The following FBXL17 variants were observed in gnomAD, a reference collection of about 807,000 sequenced individuals.
FBXL17 encodes F-box/LRR-repeat protein 17.
A neutral mutation model predicts 66.2 loss-of-function variants in FBXL17; 22 were observed. That is an observed-to-expected ratio of 0.33 (90% CI 0.24 to 0.47). The LOEUF is 0.47. Ranked by LOEUF, FBXL17 falls within the 20% of genes least tolerant of loss-of-function variation. The pLI is 1.00. For missense variants in FBXL17, 878 were observed against 948.2 expected (o/e 0.93, Z 0.97); for synonymous variants, 474 against 400.5 (o/e 1.18, Z -2.19).
chr5:107,892,254 C>T (rs530059373), intron 7 of FBXL17, among the ~76,000 whole-genome samples: 1 of 152,100 alleles, frequency 6.6e-6, no homozygotes, highest in South Asian at 2.1e-4. Flanking sequence ...TCTATGTGTA[C>T]ATATTAGTTA....
In FBXL17 at chr5:108,040,920, A is replaced by G. The variant is rs143397191; in HGVS notation, c.1746-19919T>C. 8.5e-5 allele frequency among the ~76,000 whole-genome samples: 13 copies of G among 152,306 alleles called. No individual in the cohort carries two copies. The East Asian group carries it at 2.5e-3, about 29-fold the overall frequency. On this transcript the variant is annotated intron_variant, in intron 6 of 8. Transcript: ENST00000542267. Reference sequence around the variant, plus strand: ...ACAGCTATAAAAATCATAATAATGTATCATAAATGGGAAGCATTATGGCAC... The same window carrying G: ...ACAGCTATAAAAATCATAATAATGTGTCATAAATGGGAAGCATTATGGCAC...
At chr5:108,376,196 T>A (rs770841864) in intron 1 of FBXL17, among the ~76,000 whole-genome samples, 3 of 152,090 alleles carry the variant, frequency 2.0e-5, no homozygotes, top group Non-Finnish European at 2.9e-5. Flanking sequence ...AGTCTAAAAG[T>A]TTTTCCCCAA....
chr5:108,143,725 G>GCA lies in FBXL17; in HGVS notation c.1745+42391_1745+42392insTG, dbSNP rs1751449296. On this transcript the variant is annotated intron_variant, in intron 6 of 8. Coordinates refer to ENST00000542267, the MANE Select transcript of FBXL17 (RefSeq NM_001163315.3). ...ACTTGTGAACTTGCTTGTTTTCATG[G>GCA]GAAAAAAAAAAAAAAAAAAAAAAAA... Among the ~76,000 whole-genome samples, 7 of 58,684 alleles carry GCA rather than the reference G, an allele frequency of 1.2e-4. No individual in the cohort carries two copies. In the Admixed American group the frequency reaches 1.5e-3, roughly 12 times the overall value. The allele number at this position is 58,684 out of a possible 152,430, so 38.5% of individuals were successfully genotyped here.
chr5:108,078,322 C>A (rs1307264831), intron 6 of FBXL17, among the ~76,000 whole-genome samples: 1 of 152,164 alleles, frequency 6.6e-6, no homozygotes, highest in African/African-American at 2.4e-5. Context: ...TCTCTAACAA[C>A]CTCTAACCCA....
In FBXL17 at chr5:108,343,640, C is replaced by T. The variant is rs146445026; in HGVS notation, c.1506+4759G>A. On this transcript the variant is annotated intron_variant, in intron 4 of 8. Transcript: ENST00000542267. ...AGGAAATGGAAGCTTTCACATAATG[C>T]TGAATTAACTACTGCTATTTAAACT... 1.7e-3 allele frequency among the ~76,000 whole-genome samples: 258 copies of T among 152,144 alleles called. 3 individuals carry two copies. The highest frequency in any genetic ancestry group is 0.014 in the Admixed American group (209 of 15,276).
chr5:108,143,522 A>G (rs1357061733), intron 6 of FBXL17, among the ~76,000 whole-genome samples: 1 of 152,062 alleles, frequency 6.6e-6, no homozygotes, highest in Non-Finnish European at 1.5e-5. Context: ...TTCTGATTCT[A>G]CCTTGCTCTC....
chr5:108,260,679 T>A (rs1022432104), intron 4 of FBXL17, among the ~76,000 whole-genome samples: 1 of 152,118 alleles, frequency 6.6e-6, no homozygotes, highest in Non-Finnish European at 1.5e-5. Context: ...GCTGCCACTG[T>A]CTTGGAGCTC....
chr5:108,236,524 C>CCAA (rs750033081), intron 4 of FBXL17, among the ~76,000 whole-genome samples: 2 of 149,914 alleles, frequency 1.3e-5, no homozygotes, highest in Non-Finnish European at 3.0e-5. Context: ...AAAAAAAAAA[C>CCAA]CAACAACAAC....
intron 8 of FBXL17, 197 bp downstream of exon 8, chr5:107,880,840 G>T (rs190668445): frequency 2.2e-6 from 3 of 1,366,646 alleles, no homozygotes; most frequent in South Asian, 4.3e-5. Context: ...TATTAAGTGG[G>T]GAAATACAAA....
At position 108,009,661 on chromosome 5, in the gene FBXL17, GGGAATGTTTTA is replaced by G. The variant is rs1443910422; in HGVS notation, c.1822+11253_1822+11263del. Among the ~76,000 whole-genome samples the G allele has an allele frequency of 2.0e-5, 3 of 152,134 alleles. No homozygotes were observed. In the East Asian group the frequency reaches 5.8e-4, roughly 29 times the overall value. ...GGTGACTGAGTCTTTACAAGCCCAA[GGGAATGTTTTA>G]GGATAAGGGTGAAAATTAACAGCTT... On this transcript the variant is annotated intron_variant, in intron 7 of 8. Coordinates refer to ENST00000542267, the MANE Select transcript of FBXL17 (RefSeq NM_001163315.3).
intron 4 of FBXL17, among the ~76,000 whole-genome samples, chr5:108,304,533 C>T (rs946465954): frequency 6.6e-6 from 1 of 151,862 alleles, no homozygotes; most frequent in Non-Finnish European, 1.5e-5. Context: ...ATAGATACAC[C>T]TATCTGCTTT....
rs147504038 is a variant in FBXL17, at chr5:108,167,886, A to C, written c.1745+18231T>G. ...GAAGACACAACTTAAAGGGGGAAAA[A>C]ATTATCCAAGAAACAAATGTTCTTT... On this transcript the variant is annotated intron_variant, in intron 6 of 8. Coordinates refer to ENST00000542267, the MANE Select transcript of FBXL17 (RefSeq NM_001163315.3). Among the ~76,000 whole-genome samples the C allele has an allele frequency of 8.0e-4, 122 of 152,322 alleles. No individual in the cohort carries two copies. In the East Asian group the frequency reaches 0.018, roughly 22 times the overall value.
rs1309222408 is a variant in FBXL17 at position 108,332,552 on chromosome 5, T to A, written c.1506+15847A>T. Among the ~76,000 whole-genome samples the A allele has an allele frequency of 2.6e-5, 4 of 152,026 alleles. No individual in the cohort carries two copies. The East Asian group carries it at 7.7e-4, about 29-fold the overall frequency. On this transcript the variant is annotated intron_variant, in intron 4 of 8. Coordinates refer to ENST00000542267, the MANE Select transcript of FBXL17 (RefSeq NM_001163315.3). ...CCTAAATCAGAGTAATACTATCATA[T>A]TGGTTTCAAGTTACTGTCCGTCAGA...
chr5:108,284,399 C>G (rs1353815440), intron 4 of FBXL17, among the ~76,000 whole-genome samples: 8 of 151,822 alleles, frequency 5.3e-5, no homozygotes, highest in Non-Finnish European at 2.9e-5. Flanking sequence ...TCTTTTGCAG[C>G]AACATGGATG....
rs184246428 is a variant in FBXL17, at chr5:107,907,479, C to A, written c.1823-26300G>T. Among the ~76,000 whole-genome samples, 65 of 152,048 alleles carry A rather than the reference C, an allele frequency of 4.3e-4. No individual in the cohort carries two copies. In the South Asian group the frequency reaches 5.4e-3, roughly 13 times the overall value. The stretch of plus-strand genomic sequence containing the variant: ...CAAAATGAAACAAAACGAGGCAAAG[C>A]AAACAAACAAAAAACATGGAGCCAA... On this transcript the variant is annotated intron_variant, in intron 7 of 8. Coordinates refer to ENST00000542267, the MANE Select transcript of FBXL17 (RefSeq NM_001163315.3).
At chr5:108,307,003 T>C (rs1364304542) in intron 4 of FBXL17, among the ~76,000 whole-genome samples, 1 of 152,114 alleles carries the variant, frequency 6.6e-6, no homozygotes, top group Non-Finnish European at 1.5e-5. Context: ...ATATACATTA[T>C]CTTTAGGTAT....
At chr5:108,339,573 T>A (rs1246271096) in intron 4 of FBXL17, among the ~76,000 whole-genome samples, 1 of 149,876 alleles carries the variant, frequency 6.7e-6, no homozygotes, top group Non-Finnish European at 1.5e-5. Context: ...AAAATTAGAT[T>A]TTTATTAAAA....
At chr5:108,167,740 TAAAAG>T (rs1752464121) in intron 6 of FBXL17, among the ~76,000 whole-genome samples, 1 of 151,656 alleles carries the variant, frequency 6.6e-6, no homozygotes, top group African/African-American at 2.4e-5. Context: ...CTGACAACAA[TAAAAG>T]AAAATATTCT....
intron 6 of FBXL17, among the ~76,000 whole-genome samples, chr5:108,184,364 T>C (rs935706545): frequency 1.2e-4 from 18 of 152,000 alleles, no homozygotes; most frequent in Non-Finnish European, 1.0e-4. Context: ...TGGAGTGTAG[T>C]GGTGTGATCT....
Sources: allele counts gnomAD v4.1 joint callset (sites outside exome capture counted in the v4.1 genomes callset), GRCh38; gene constraint gnomAD v4.1.1; transcripts MANE v1.5; gene names NCBI Gene and HGNC (gene_info 2026-07-23, HGNC 2026-07-21).